The following RGS6 variants were observed in gnomAD, a reference collection of about 807,000 sequenced individuals.
RGS6 encodes regulator of G-protein signaling 6.
Under a neutral mutation model 78.5 loss-of-function variants are expected in RGS6, and 30 were observed. That is an observed-to-expected ratio of 0.38 (90% confidence interval 0.29 to 0.52). The LOEUF (loss-of-function observed/expected upper bound fraction) is 0.52, where lower values mean the gene tolerates loss of function less well. RGS6 is among the 20% of genes least tolerant of loss of function. The pLI is 0.85. For missense variants in RGS6, 495 were observed against 609.7 expected (o/e 0.81, Z 1.98); for synonymous variants, 206 against 206.0 (o/e 1.00, Z 0.00).
chr14:72,562,271 A>G, intron 17 of RGS6, 146 bp from the exon 18 acceptor site: 1 of 753,946 alleles, frequency 1.3e-6, no homozygotes, highest in Non-Finnish European at 2.2e-6. Context: ...ATACACCTAG[A>G]GATCAAATAT....
chr14:72,037,299 T>C (rs2091851334), intron 2 of RGS6, among the ~76,000 whole-genome samples: 2 of 152,216 alleles, frequency 1.3e-5, no homozygotes. Context: ...AGCTTTGTTC[T>C]TTCACTCTTC....
intron 2 of RGS6, among the ~76,000 whole-genome samples, chr14:72,345,994 G>A (rs537916898): frequency 1.9e-4 from 29 of 152,282 alleles, no homozygotes; most frequent in African/African-American, 5.1e-4. Context: ...GATGGTGTCC[G>A]AGGAGTCATT....
At chr14:72,353,585 A>G (rs906757990) in intron 3 of RGS6, among the ~76,000 whole-genome samples, 1 of 152,238 alleles carries the variant, frequency 6.6e-6, no homozygotes, top group Non-Finnish European at 1.5e-5. Flanking sequence ...GTGTGACTGC[A>G]AAAGACAACA....
At chr14:72,207,005 A>T (rs2042874922) in intron 2 of RGS6, among the ~76,000 whole-genome samples, 1 of 152,194 alleles carries the variant, frequency 6.6e-6, no homozygotes. Flanking sequence ...GTATCCTTGC[A>T]TATTGTTTGA....
intron 17 of RGS6, chr14:72,550,753 T>A: frequency 1.2e-6 from 1 of 869,332 alleles, no homozygotes; most frequent in East Asian, 2.8e-5. Flanking sequence ...GTTTCCTTGG[T>A]AGTGATTCAG....
intron 2 of RGS6, among the ~76,000 whole-genome samples, chr14:72,090,890 C>T (rs1317849928): frequency 1.3e-5 from 2 of 152,148 alleles, no homozygotes; most frequent in Admixed American, 6.5e-5. Context: ...CTCCCTCCTC[C>T]CCAGTAGCTC....
At chr14:72,621,095 C>T in the RGS6 span, among the ~76,000 whole-genome samples, 3 of 150,142 alleles carry the variant, frequency 2.0e-5, no homozygotes, top group African/African-American at 4.9e-5. Flanking sequence ...GAGCCAAGAT[C>T]GCACCACTGC....
At chr14:71,909,046 A>G in the RGS6 span, among the ~76,000 whole-genome samples, 2 of 152,306 alleles carry the variant, frequency 1.3e-5, no homozygotes, top group Admixed American at 6.5e-5. Context: ...CGAGTTAATT[A>G]CTGTTAATGA....
intron 15 of RGS6, among the ~76,000 whole-genome samples, chr14:72,518,841 A>G (rs962548313): frequency 1.1e-4 from 16 of 152,348 alleles, no homozygotes; most frequent in African/African-American, 3.6e-4. Flanking sequence ...GAATCTGGAA[A>G]CCAGAACACA....
chr14:72,234,563 C>T (rs1056575172), intron 2 of RGS6, among the ~76,000 whole-genome samples: 1 of 152,210 alleles, frequency 6.6e-6, no homozygotes, highest in East Asian at 1.9e-4. Context: ...GGATAGGACA[C>T]CTTACTGACA....
At chr14:72,322,927 C>T (rs2072505903) in intron 2 of RGS6, among the ~76,000 whole-genome samples, 2 of 151,992 alleles carry the variant, frequency 1.3e-5, no homozygotes, top group South Asian at 4.1e-4. Flanking sequence ...TACTTAGTAA[C>T]ATGGTCCCAA....
chr14:71,881,480 T>C, the RGS6 span, among the ~76,000 whole-genome samples: 1 of 152,164 alleles, frequency 6.6e-6, no homozygotes, highest in Non-Finnish European at 1.5e-5. Flanking sequence ...TGGGAGATAA[T>C]TGAATCATGG....
At chr14:72,408,382 G>C (rs2093125682) in intron 3 of RGS6, among the ~76,000 whole-genome samples, 1 of 152,152 alleles carries the variant, frequency 6.6e-6, no homozygotes, top group South Asian at 2.1e-4. Flanking sequence ...ATAAACCCTA[G>C]ATGATCACCT....
chr14:72,432,758 C>T (rs190331549), intron 3 of RGS6, among the ~76,000 whole-genome samples: 104 of 152,260 alleles, frequency 6.8e-4, no homozygotes, highest in African/African-American at 2.4e-3. Context: ...GGGAAATAAG[C>T]CACATGCTAC....
chr14:72,316,074 C>T (rs1422967677), intron 2 of RGS6, among the ~76,000 whole-genome samples: 6 of 152,278 alleles, frequency 3.9e-5, no homozygotes, highest in Admixed American at 6.5e-5. Context: ...TGCCCTTTAC[C>T]GTTTGTTGTT....
Position 72,242,839 on chromosome 14 carries a change from C to CTTTTTTTTTTTTTTT in RGS6, c.85-109243_85-109229dup, listed in dbSNP as rs35675211. Among the ~76,000 whole-genome samples, 7 of 69,128 alleles carry CTTTTTTTTTTTTTTT rather than the reference C, an allele frequency of 1.0e-4. 1 individual carries two copies. The highest frequency in any genetic ancestry group is 1.5e-4 in the Non-Finnish European group (6 of 39,826). 45.4% of individuals were successfully genotyped at this position (69,128 alleles called of 152,430 possible). A position where few individuals can be genotyped will look rare whatever the true frequency, so the allele number is the denominator to read the frequency against. On this transcript the variant is annotated intron_variant, in intron 2 of 17. Transcript: ENST00000553525. Reference sequence around the variant, plus strand: ...GTATTTTTCCAACTTCATTTCTTTTCTTTTTTTTTTTTTTTTTTTTTTTTT... The same window carrying CTTTTTTTTTTTTTTT: ...GTATTTTTCCAACTTCATTTCTTTTCTTTTTTTTTTTTTTTTTTTTTTTTTTTTTTTTTTTTTTTT...
intron 2 of RGS6, among the ~76,000 whole-genome samples, chr14:72,154,755 C>G (rs891943899): frequency 6.6e-6 from 1 of 152,210 alleles, no homozygotes; most frequent in African/African-American, 2.4e-5. Context: ...AAATGCCTGT[C>G]CCCAGTGGTT....
intron 2 of RGS6, among the ~76,000 whole-genome samples, chr14:72,196,230 A>G (rs1290449588): frequency 2.6e-5 from 4 of 152,176 alleles, no homozygotes; most frequent in African/African-American, 9.7e-5. Context: ...TTGGGGTTCT[A>G]TCTTGTGTGA....
chr14:72,258,124 A>C (rs2057432178), intron 2 of RGS6, among the ~76,000 whole-genome samples: 1 of 152,162 alleles, frequency 6.6e-6, no homozygotes. Flanking sequence ...TTACAGAAAA[A>C]TCCAGAGGAT....
Sources: gnomAD v4.1 joint callset for allele counts (sites outside exome capture counted in the v4.1 genomes callset) on GRCh38, gnomAD v4.1.1 for gene constraint, MANE v1.5 for transcripts, NCBI Gene and HGNC (gene_info 2026-07-23, HGNC 2026-07-21) for gene names.